Variants in SGSH observed in about 807,000 individuals in gnomAD.
The protein encoded by SGSH is N-sulfoglucosamine sulfohydrolase, also known as heparan sulfate sulfatase.
A neutral mutation model predicts 51.0 loss-of-function variants in SGSH; 48 were observed. That is an observed-to-expected ratio of 0.94 (90% CI 0.75 to 1.20). The LOEUF is 1.20. Among genes scored for constraint, SGSH ranks in the 50% most tolerant of loss-of-function variants. SGSH has a pLI of 0.00. For synonymous variants in SGSH, 321 were observed against 313.4 expected (o/e 1.02, Z -0.26); for missense variants, 662 against 717.8 (o/e 0.92, Z 0.89).
chr17:80,208,114 C>A (rs533183128), downstream of SGSH: 20 of 1,490,594 alleles, frequency 1.3e-5, no homozygotes, highest in African/African-American at 2.7e-4. Flanking sequence ...CTGAGCCCGC[C>A]CCCCCCAACT....
intron 2 of SGSH, 75 bp from the exon 3 acceptor site, chr17:80,215,213 C>T: frequency 3.9e-6 from 4 of 1,030,848 alleles, no homozygotes; most frequent in South Asian, 2.6e-5. Flanking sequence ...TCTCCCACGG[C>T]CCTCCCATCC....
chr17:80,210,983 G>T lies in SGSH; in HGVS notation c.978C>A (p.Phe326Leu), dbSNP rs1232600599. The T allele has an allele frequency of 1.3e-6, 2 of 1,599,288 alleles. No individual in the cohort carries two copies. Among genetic ancestry groups the T allele is most frequent in the Admixed American group, 3.3e-5 (2 of 60,028 alleles). The part of the protein sequence containing the change: ...LDLTPTILDW[F>L]SIPYPSYAIF... ...TGGCGTAGCTGGGGTACGGGATCGA[G>T]AACCAATCCAAGATGGTGGGCGTGA... Residue 326 changes from phenylalanine (F) to leucine (L), a missense_variant, in exon 8 of 8, where the codon TTC becomes TTA. Coordinates refer to ENST00000326317, the MANE Select transcript of SGSH (RefSeq NM_000199.5).
intron 5 of SGSH, 132 bp from the exon 6 acceptor site, chr17:80,214,017 G>A (rs768838972): frequency 8.4e-6 from 11 of 1,309,788 alleles, no homozygotes; most frequent in African/African-American, 2.9e-5. Flanking sequence ...GTCTCTCTAC[G>A]GTTCTCTCTG....
At chr17:80,219,985 C>A (rs1468540630) in intron 1 of SGSH, 13 of 410,738 alleles carry the variant, frequency 3.2e-5, no homozygotes, top group Admixed American at 8.9e-5. Flanking sequence ...ACAGGCGGCA[C>A]GAGGTAAGTG....
At chr17:80,202,028 C>A, downstream of SGSH, 1 of 1,223,902 alleles carries the variant, frequency 8.2e-7, no homozygotes, top group Non-Finnish European at 1.1e-6. Context: ...GCCCCCAAGC[C>A]AGCTGGAAAC....
chr17:80,207,087 T>C, downstream of SGSH: 2 of 1,609,286 alleles, frequency 1.2e-6, no homozygotes, highest in Non-Finnish European at 1.7e-6. Flanking sequence ...GAAGCTCAAG[T>C]AGGTGCACGC....
chr17:80,205,756 G>A (rs1214977439), downstream of SGSH: 4 of 1,263,236 alleles, frequency 3.2e-6, no homozygotes, highest in East Asian at 5.4e-5. Flanking sequence ...CTGAGACCTG[G>A]GTGACCTTGT....
At chr17:80,205,160 A>G (rs764740214), downstream of SGSH, 1 of 1,613,798 alleles carries the variant, frequency 6.2e-7, no homozygotes, top group Non-Finnish European at 8.5e-7. Flanking sequence ...GAAGATCCTG[A>G]GCGAGAAACT....
chr17:80,206,283 A>G (rs1490562989), downstream of SGSH, among the ~76,000 whole-genome samples: 1 of 152,192 alleles, frequency 6.6e-6, no homozygotes, highest in Non-Finnish European at 1.5e-5. Context: ...TGAGCAACAC[A>G]GTGAGACCCG....
chr17:80,214,865 G>A, intron 3 of SGSH, 100 bp from the exon 4 acceptor site: 13 of 1,447,332 alleles, frequency 9.0e-6, no homozygotes, highest in Admixed American at 5.2e-5. Context: ...GTGGGTTCTC[G>A]TGGACACACA....
rs76375023 is a variant in SGSH at position 80,210,660 on chromosome 17, G to T, written c.1301C>A (p.Ala434Glu). 1.2e-6 allele frequency: 2 copies of T among 1,613,794 alleles called. No individual in the cohort carries two copies. The highest frequency in any genetic ancestry group is 2.7e-5 in the African/African-American group (2 of 74,928). The change falls in exon 8 of 8, where the codon GCG becomes GAG. Residue 434 changes from alanine (A) to glutamate (E), a missense_variant. Ala to Glu is a moderately radical substitution (Grantham distance 107). Transcript: ENST00000326317. ...YKDLRHYYYR[A>E]RWELYDRSRD... ...GCTCCGGTCGTAGAGCTCCCAGCGC[G>T]CCCGGTAGTAGTAATGACGGAGGTC...
the SGSH span, chr17:80,201,311 G>A: frequency 1.8e-3 from 304 of 169,464 alleles, 2 homozygotes; most frequent in African/African-American, 6.8e-3. The surrounding 1 kb of genome is among the most constrained non-coding windows in gnomAD (Gnocchi z 5.0). Flanking sequence ...CCAGGGCATC[G>A]GGTAGGTGAA....
chr17:80,211,864 C>T (rs2041679781), intron 7 of SGSH: 4 of 613,496 alleles, frequency 6.5e-6, no homozygotes, highest in South Asian at 5.7e-5. Flanking sequence ...TAGCTTAGTG[C>T]TTACCAGCTG....
At chr17:80,203,755 C>T (rs1376789191), downstream of SGSH, 27 of 1,290,714 alleles carry the variant, frequency 2.1e-5, no homozygotes, top group South Asian at 7.8e-5. The surrounding 1 kb of genome is among the most constrained non-coding windows in gnomAD (Gnocchi z 4.6). Flanking sequence ...CTCCCCTGCT[C>T]GGCTCTCCCC....
downstream of SGSH, chr17:80,204,263 G>C: frequency 6.3e-7 from 1 of 1,598,878 alleles, no homozygotes. Context: ...GGTCCGCATC[G>C]TCAGTATGGA....
chr17:80,210,188 G>GT lies in SGSH; in HGVS notation c.*263dup. The GT allele has an allele frequency of 7.2e-7, 1 of 1,392,224 alleles. No individual in the cohort carries two copies. Among genetic ancestry groups the GT allele is most frequent in the East Asian group, 2.7e-5 (1 of 37,356 alleles). 86.2% of individuals were successfully genotyped at this position (1,392,224 alleles called of 1,614,324 possible). On this transcript the variant is annotated 3_prime_UTR_variant, in exon 8 of 8. Transcript: ENST00000326317. ...TCTAGAATTCCCGTGCTGGGACATG[G>GT]TTCAGACACAAGGACAACTGTGTCC...
intron 5 of SGSH, 80 bp downstream of exon 5, chr17:80,214,092 A>T (rs2144740329): frequency 1.3e-6 from 2 of 1,517,064 alleles, no homozygotes; most frequent in East Asian, 2.4e-5. Flanking sequence ...ATCTAGGGCC[A>T]GGGCTGCAAG....
chr17:80,214,154 C>T lies in SGSH; in HGVS notation c.663+18G>A, dbSNP rs759238037. 25 of 1,600,150 alleles carry T rather than the reference C, an allele frequency of 1.6e-5. No individual in the cohort carries two copies. Among genetic ancestry groups the T allele is most frequent in the Non-Finnish European group, 1.9e-5 (22 of 1,174,808 alleles). On this transcript the variant is annotated intron_variant, in intron 5 of 7. Transcript: ENST00000326317. ...CAGGGCTGACGGGCGTCCTGAAACA[C>T]AGGAGGGGCCGTCCTACCAGCACGT...
intron 2 of SGSH, chr17:80,216,725 C>T (rs35245707): frequency 4.4e-6 from 2 of 450,040 alleles, no homozygotes; most frequent in Non-Finnish European, 8.2e-6. Flanking sequence ...AAGCATTAGC[C>T]CCGCCAATCT....
Sources: allele counts gnomAD v4.1 joint callset (sites outside exome capture counted in the v4.1 genomes callset), GRCh38; gene constraint gnomAD v4.1.1; non-coding constraint Gnocchi (gnomAD v3.1); transcripts MANE v1.5; gene names NCBI Gene and HGNC (gene_info 2026-07-23, HGNC 2026-07-21).